The following TYW1 variants were observed in gnomAD, a reference collection of about 807,000 sequenced individuals.
The protein encoded by TYW1 is S-adenosyl-L-methionine-dependent tRNA 4-demethylwyosine synthase TYW1.
TYW1 carries 46 observed loss-of-function variants against 96.2 expected under a neutral mutation model. The ratio of observed to expected loss-of-function variants is 0.48; its 90% CI spans 0.38 to 0.61. TYW1 has a LOEUF of 0.61. Ranked by LOEUF, TYW1 falls within the 20% of genes least tolerant of loss-of-function variation. The pLI is 0.00. For synonymous variants in TYW1, 274 were observed against 323.0 expected (o/e 0.85, Z 1.63); for missense variants, 684 against 909.6 (o/e 0.75, Z 3.19).
intron 13 of TYW1, among the ~76,000 whole-genome samples, chr7:67,123,248 A>T (rs1797815657): frequency 6.6e-6 from 1 of 151,880 alleles, no homozygotes; most frequent in South Asian, 2.1e-4. Context: ...AAACCGTGGG[A>T]CCCCTATCCA....
At position 66,996,876 on chromosome 7, in the gene TYW1, C is replaced by A. The variant is rs1584441756; in HGVS notation, c.-103C>A. 4 of 1,588,286 alleles carry A rather than the reference C, an allele frequency of 2.5e-6. No individual in the cohort carries two copies. The highest frequency in any genetic ancestry group is 1.1e-5 in the South Asian group (1 of 88,356). On this transcript the variant is annotated 5_prime_UTR_variant, in exon 1 of 16. An upstream open reading frame in the 5' UTR gains an earlier in-frame stop. Coordinates refer to ENST00000359626, the MANE Select transcript of TYW1 (RefSeq NM_018264.4). Reference sequence around the variant, plus strand: ...CCCACAGGTCTGCAGGCACTCGGTACGCCGCTAACGCGGCGAGGTAGCTCG... The same window carrying A: ...CCCACAGGTCTGCAGGCACTCGGTAAGCCGCTAACGCGGCGAGGTAGCTCG...
At chr7:67,001,525 G>C (rs546263639) in intron 3 of TYW1, among the ~76,000 whole-genome samples, 1 of 151,520 alleles carries the variant, frequency 6.6e-6, no homozygotes, top group African/African-American at 2.4e-5. Context: ...GGGTTCAAGC[G>C]ATTCTTCTGC....
intron 13 of TYW1, among the ~76,000 whole-genome samples, chr7:67,148,924 G>GT (rs1293204872): frequency 6.6e-6 from 1 of 152,134 alleles, no homozygotes; most frequent in African/African-American, 2.4e-5. Context: ...ACATTTTCAT[G>GT]TTTATCAAAA....
intron 7 of TYW1, among the ~76,000 whole-genome samples, chr7:67,027,929 CAAA>C (rs5884602): frequency 8.2e-6 from 1 of 122,290 alleles, no homozygotes; most frequent in Admixed American, 8.7e-5. Flanking sequence ...GACTCCATCT[CAAA>C]AAAAAAAAAA....
At chr7:67,099,447 A>G (rs35821771) in intron 12 of TYW1, among the ~76,000 whole-genome samples, 1 of 152,214 alleles carries the variant, frequency 6.6e-6, no homozygotes, top group African/African-American at 2.4e-5. Flanking sequence ...TAACCATTAT[A>G]TAAGTGTAGT....
chr7:67,083,551 C>T lies in TYW1; in HGVS notation c.1384+12C>T. On this transcript the variant is annotated intron_variant, in intron 11 of 15. Coordinates refer to ENST00000359626, the MANE Select transcript of TYW1 (RefSeq NM_018264.4). ...TAAGCAGTTTAAAGGTATTTATCTTCCCTCTACAAAGGAATGCTAATACCT... is the reference window on the plus strand; with the variant it reads ...TAAGCAGTTTAAAGGTATTTATCTTTCCTCTACAAAGGAATGCTAATACCT... 1 of 1,613,574 alleles carries T rather than the reference C, an allele frequency of 6.2e-7. No individual in the cohort carries two copies.
intron 5 of TYW1, among the ~76,000 whole-genome samples, chr7:67,016,986 T>TA (rs1275315546): frequency 6.7e-6 from 1 of 149,232 alleles, no homozygotes; most frequent in Non-Finnish European, 1.5e-5. Flanking sequence ...GTAAATTTTT[T>TA]TTTTTTTTTT....
At chr7:67,199,701 C>T (rs868357996) in intron 15 of TYW1, among the ~76,000 whole-genome samples, 24 of 152,276 alleles carry the variant, frequency 1.6e-4, no homozygotes, top group African/African-American at 5.3e-4. Context: ...TTATTCATTA[C>T]TGTACTGATT....
intron 11 of TYW1, among the ~76,000 whole-genome samples, chr7:67,095,645 G>A (rs564303177): frequency 4.0e-4 from 60 of 150,960 alleles, no homozygotes; most frequent in Middle Eastern, 3.4e-3. Flanking sequence ...GCAACAGGGC[G>A]AGACTCTGTC....
chr7:67,221,677 A>G (rs1277770994), intron 15 of TYW1, among the ~76,000 whole-genome samples: 5 of 152,160 alleles, frequency 3.3e-5, no homozygotes, highest in Admixed American at 2.0e-4. Context: ...TGTGCTTACA[A>G]TGGACATCGC....
At chr7:67,006,291 C>T (rs571362322) in intron 3 of TYW1, among the ~76,000 whole-genome samples, 1 of 152,058 alleles carries the variant, frequency 6.6e-6, no homozygotes, top group Non-Finnish European at 1.5e-5. Context: ...TGTGCCTGCC[C>T]CTCCTTTGCC....
rs572134936 is a variant in TYW1 at position 67,121,087 on chromosome 7, A to C, written c.1698+3469A>C. Among the ~76,000 whole-genome samples, 8 of 152,200 alleles carry C rather than the reference A, an allele frequency of 5.3e-5. No individual in the cohort carries two copies. The East Asian group carries it at 9.7e-4, about 18-fold the overall frequency. On this transcript the variant is annotated intron_variant, in intron 13 of 15. Transcript: ENST00000359626. ...CTGTGGCAGGATGCTGCTCTTAAAA[A>C]TTTTCCTTTAAATTGACTCAAGCTG...
intron 13 of TYW1, among the ~76,000 whole-genome samples, chr7:67,156,280 G>A (rs558485165): frequency 4.3e-4 from 65 of 152,314 alleles, no homozygotes; most frequent in African/African-American, 1.5e-3. Context: ...TAGTGGCAGC[G>A]GACCAATCCT....
intron 13 of TYW1, among the ~76,000 whole-genome samples, chr7:67,142,718 C>T (rs1411274383): frequency 2.6e-5 from 4 of 152,150 alleles, no homozygotes; most frequent in African/African-American, 9.7e-5. Flanking sequence ...AGGCATGAGC[C>T]ACTGCGCCTG....
chr7:67,073,533 A>T (rs1796101231), intron 10 of TYW1, among the ~76,000 whole-genome samples: 1 of 152,106 alleles, frequency 6.6e-6, no homozygotes, highest in Admixed American at 6.6e-5. Context: ...GCACTTTGGG[A>T]GGCTGAGGCA....
At chr7:67,170,059 A>T (rs906694133) in intron 13 of TYW1, among the ~76,000 whole-genome samples, 1 of 152,136 alleles carries the variant, frequency 6.6e-6, no homozygotes, top group Non-Finnish European at 1.5e-5. Context: ...GATTTACCTT[A>T]TGTTTTCTTC....
Position 67,055,851 on chromosome 7 carries a change from G to C in TYW1, c.1119G>C (p.Gly373=). The C allele has an allele frequency of 2.5e-6, 4 of 1,613,022 alleles. No homozygotes were observed. Among genetic ancestry groups the C allele is most frequent in the Non-Finnish European group, 3.4e-6 (4 of 1,179,424 alleles). ...ALTKQGYQLI[G]SHSGVKLCRW... is the part of the protein sequence containing the mutation. ...TCCACTCAGGTTATCAGTTGATTGGGAGCCACTCGGGGGTGAAGCTTTGCA... is the reference window on the plus strand; with the variant it reads ...TCCACTCAGGTTATCAGTTGATTGGCAGCCACTCGGGGGTGAAGCTTTGCA... The change falls in exon 9 of 16, where the codon GGG becomes GGC. Residue 373 remains glycine, a synonymous_variant. Coordinates refer to ENST00000359626, the MANE Select transcript of TYW1 (RefSeq NM_018264.4).
chr7:67,040,621 G>A (rs988865643), intron 7 of TYW1, among the ~76,000 whole-genome samples: 1 of 152,102 alleles, frequency 6.6e-6, no homozygotes, highest in Non-Finnish European at 1.5e-5. Flanking sequence ...TAGACAAGTG[G>A]ATCGCTTGAG....
At chr7:67,021,938 C>T (rs1794292945) in intron 6 of TYW1, among the ~76,000 whole-genome samples, 3 of 152,220 alleles carry the variant, frequency 2.0e-5, no homozygotes, top group Non-Finnish European at 2.9e-5. Flanking sequence ...TCTTTTGAGA[C>T]AGGGGCTGGT....
Sources: gnomAD v4.1 joint callset for allele counts (sites outside exome capture counted in the v4.1 genomes callset) on GRCh38, gnomAD v4.1.1 for gene constraint, MANE v1.5 for transcripts, NCBI Gene and HGNC (gene_info 2026-07-23, HGNC 2026-07-21) for gene names.